MTUS2: variants seen among roughly 807,000 people sequenced by gnomAD.
MTUS2 encodes microtubule associated scaffold protein 2, also known as microtubule-associated tumor suppressor candidate 2.
A neutral mutation model predicts 114.1 loss-of-function variants in MTUS2; 40 were observed. That is an observed-to-expected ratio of 0.35 (90% CI 0.27 to 0.46). The LOEUF is 0.46. MTUS2 is among the 20% of genes least tolerant of loss of function. MTUS2 has a pLI of 1.00. For missense variants in MTUS2, 1,679 were observed against 1,705.4 expected (o/e 0.98, Z 0.27); for synonymous variants, 688 against 672.0 (o/e 1.02, Z -0.37).
At chr13:29,278,907 AC>A (rs1898165706) in intron 5 of MTUS2, among the ~76,000 whole-genome samples, 2 of 152,088 alleles carry the variant, frequency 1.3e-5, no homozygotes, top group Non-Finnish European at 2.9e-5. Context: ...CTTTCTTCTC[AC>A]GTCGAGCAGC....
chr13:29,014,223 C>G (rs1046196951), intron 2 of MTUS2, among the ~76,000 whole-genome samples: 1 of 152,198 alleles, frequency 6.6e-6, no homozygotes, highest in Non-Finnish European at 1.5e-5. Flanking sequence ...TGTGACAGGG[C>G]CTACCTGTGG....
chr13:28,887,401 G>A (rs1197524161), intron 2 of MTUS2, among the ~76,000 whole-genome samples: 2 of 152,164 alleles, frequency 1.3e-5, no homozygotes, highest in Non-Finnish European at 2.9e-5. Context: ...TGACTCAGGA[G>A]ATACTTAGTG....
intron 2 of MTUS2, among the ~76,000 whole-genome samples, chr13:29,015,905 G>A (rs889413655): frequency 2.6e-5 from 4 of 151,704 alleles, no homozygotes; most frequent in African/African-American, 7.3e-5. Flanking sequence ...ATGAAGATTC[G>A]TTCTTCTTCT....
rs1324198348 is a variant in MTUS2, at chr13:29,148,725, G to T, written c.2644+47755G>T. ...GATCTCCTGACCTCGTGATCCGCCC[G>T]CCTCGGCCTCCCAAAGTGCTGGGAT... On this transcript the variant is annotated intron_variant, in intron 5 of 15. Coordinates refer to ENST00000612955, the MANE Select transcript of MTUS2 (RefSeq NM_001033602.4). Among the ~76,000 whole-genome samples the T allele has an allele frequency of 2.4e-4, 16 of 65,718 alleles. 4 individuals carry two copies. The highest frequency in any genetic ancestry group is 6.0e-4 in the Non-Finnish European group (13 of 21,690). 43.1% of individuals were successfully genotyped at this position (65,718 alleles called of 152,430 possible). A position where few individuals can be genotyped will look rare whatever the true frequency, so the allele number is the denominator to read the frequency against.
At chr13:29,347,879 C>T (rs926102744) in intron 7 of MTUS2, among the ~76,000 whole-genome samples, 2 of 150,002 alleles carry the variant, frequency 1.3e-5, no homozygotes, top group Non-Finnish European at 3.0e-5. Context: ...TTACATTTAC[C>T]AGTTTATTAT....
chr13:29,204,930 G>A (rs1054480460), intron 5 of MTUS2, among the ~76,000 whole-genome samples: 7 of 152,158 alleles, frequency 4.6e-5, no homozygotes, highest in African/African-American at 1.4e-4. Context: ...TGCAGTGGGG[G>A]CACTACCCAG....
intron 2 of MTUS2, among the ~76,000 whole-genome samples, chr13:28,925,636 G>A (rs986422296): frequency 2.0e-5 from 3 of 152,160 alleles, no homozygotes; most frequent in African/African-American, 7.2e-5. Context: ...AGTTCACTAC[G>A]TGTGTTTGTA....
intron 5 of MTUS2, among the ~76,000 whole-genome samples, chr13:29,140,209 A>G (rs958786664): frequency 1.3e-5 from 2 of 152,212 alleles, no homozygotes; most frequent in Non-Finnish European, 2.9e-5. Context: ...GAATATCTTC[A>G]TTTAGGAATA....
At chr13:29,394,860 C>T (rs1873790071) in intron 8 of MTUS2, among the ~76,000 whole-genome samples, 2 of 152,150 alleles carry the variant, frequency 1.3e-5, no homozygotes, top group African/African-American at 4.8e-5. Context: ...AGGTTGCGCC[C>T]TCCTTTATGG....
At chr13:28,973,865 A>G (rs537934279) in intron 2 of MTUS2, among the ~76,000 whole-genome samples, 1 of 152,328 alleles carries the variant, frequency 6.6e-6, no homozygotes, top group Admixed American at 6.5e-5. Context: ...GCCTTAGAAA[A>G]CGACTAGAAT....
chr13:29,246,805 C>A (rs1377114917), intron 5 of MTUS2, among the ~76,000 whole-genome samples: 2 of 151,226 alleles, frequency 1.3e-5, no homozygotes, highest in African/African-American at 4.9e-5. Flanking sequence ...TGGGTAGAAT[C>A]AATATTGTGA....
chr13:29,281,970 A>G (rs1898291717), intron 6 of MTUS2, 105 bp downstream of exon 6: 1 of 1,246,342 alleles, frequency 8.0e-7, no homozygotes, highest in Non-Finnish European at 1.1e-6. Context: ...AGAAGGGATG[A>G]TTGATTAAAT....
intron 2 of MTUS2, among the ~76,000 whole-genome samples, chr13:28,904,912 T>C (rs955231985): frequency 1.2e-4 from 18 of 151,890 alleles, no homozygotes; most frequent in Admixed American, 4.6e-4. Context: ...CATTTGTTTG[T>C]ATCCTCTTTT....
intron 9 of MTUS2, among the ~76,000 whole-genome samples, chr13:29,461,569 G>A (rs960256560): frequency 3.3e-5 from 5 of 152,172 alleles, no homozygotes; most frequent in Admixed American, 6.5e-5. Context: ...ATCTTCTTCC[G>A]TTCCACTCTG....
intron 2 of MTUS2, among the ~76,000 whole-genome samples, chr13:28,897,240 A>G (rs1333496261): frequency 6.6e-6 from 1 of 152,160 alleles, no homozygotes. Flanking sequence ...TGGGTGAAGG[A>G]TATGAACACA....
chr13:29,052,171 C>T (rs142913455), intron 4 of MTUS2, among the ~76,000 whole-genome samples: 2 of 152,256 alleles, frequency 1.3e-5, no homozygotes, highest in East Asian at 3.9e-4. Flanking sequence ...AGTCCTTTTG[C>T]TCAGCTTTTT....
At chr13:28,937,749 G>T (rs571345834) in intron 2 of MTUS2, among the ~76,000 whole-genome samples, 2 of 152,144 alleles carry the variant, frequency 1.3e-5, no homozygotes. Context: ...TCCCTGAGTG[G>T]GGTGCAGTGA....
At chr13:29,314,411 A>G (rs942754911) in intron 6 of MTUS2, among the ~76,000 whole-genome samples, 5 of 152,350 alleles carry the variant, frequency 3.3e-5, no homozygotes, top group Admixed American at 6.5e-5. Context: ...AAGATGGTTC[A>G]GTTGTAAATA....
chr13:29,367,865 G>C (rs1350766285), intron 8 of MTUS2, among the ~76,000 whole-genome samples: 1 of 151,922 alleles, frequency 6.6e-6, no homozygotes, highest in Non-Finnish European at 1.5e-5. Flanking sequence ...GCATCAATGA[G>C]CCCTCAAGTC....
Sources: gnomAD v4.1 joint callset for allele counts (sites outside exome capture counted in the v4.1 genomes callset) on GRCh38, gnomAD v4.1.1 for gene constraint, MANE v1.5 for transcripts, NCBI Gene and HGNC (gene_info 2026-07-23, HGNC 2026-07-21) for gene names.